SWT1: variants seen among roughly 807,000 people sequenced by gnomAD.
SWT1 encodes transcriptional protein SWT1.
Under a neutral mutation model 107.3 loss-of-function variants are expected in SWT1, and 33 were observed. That is an observed-to-expected ratio of 0.31 (90% CI 0.23 to 0.41). The LOEUF is 0.41. SWT1 is among the 10% of genes least tolerant of loss of function. The pLI is 1.00. For missense variants in SWT1, 898 were observed against 1,028.9 expected, an observed-to-expected ratio of 0.87 and a Z score of 1.74; for synonymous variants, 345 against 348.3, an observed-to-expected ratio of 0.99 and a Z score of 0.11.
At chr1:185,194,337 A>G (rs1368596846) in intron 10 of SWT1, among the ~76,000 whole-genome samples, 1 of 151,946 alleles carries the variant, frequency 6.6e-6, no homozygotes, top group South Asian at 2.1e-4. Context: ...GTTTTGTTCC[A>G]TCTGTGCTTT....
chr1:185,286,970 T>G (rs1664984200), intron 18 of SWT1, among the ~76,000 whole-genome samples: 1 of 152,226 alleles, frequency 6.6e-6, no homozygotes, highest in South Asian at 2.1e-4. Context: ...TATACTGCTT[T>G]TATATTTGTA....
At chr1:185,227,507 C>G in intron 15 of SWT1, 1 of 545,758 alleles carries the variant, frequency 1.8e-6, no homozygotes, top group Non-Finnish European at 3.4e-6. Context: ...CGAGCAGAAG[C>G]AGTCTGACAA....
intron 15 of SWT1, among the ~76,000 whole-genome samples, chr1:185,230,672 C>T (rs1313085631): frequency 6.6e-6 from 1 of 151,988 alleles, no homozygotes; most frequent in Non-Finnish European, 1.5e-5. Context: ...TAAATTTTCT[C>T]TACTTTTATT....
rs776053017 is a variant in SWT1 at position 185,174,396 on chromosome 1, CAGA to C, written c.252_254del (p.Arg86del). Reference sequence around the variant, plus strand: ...GATTGAGTGTAGAAATTGACACTCTCAGAAGGAGACCAAAAATCGGTTCTTCAT... The same window carrying C: ...GATTGAGTGTAGAAATTGACACTCTCAGGAGACCAAAAATCGGTTCTTCAT... On this transcript the variant is annotated inframe_deletion, in exon 5 of 19. Transcript: ENST00000367500. The C allele has an allele frequency of 2.3e-5, 36 of 1,574,994 alleles. No individual in the cohort carries two copies. The African/African-American group carries it at 4.4e-4, about 19-fold the overall frequency.
chr1:185,182,151 T>C (rs776747706), intron 7 of SWT1, 94 bp downstream of exon 7: 125 of 1,280,264 alleles, frequency 9.8e-5, no homozygotes, highest in Non-Finnish European at 1.3e-4. Context: ...ATGAAAAATG[T>C]TAAAATGTGC....
At chr1:185,231,338 C>T (rs1660492904) in intron 15 of SWT1, among the ~76,000 whole-genome samples, 2 of 152,172 alleles carry the variant, frequency 1.3e-5, no homozygotes, top group African/African-American at 4.8e-5. Context: ...AATATTCACA[C>T]AACTTTCATA....
intron 5 of SWT1, among the ~76,000 whole-genome samples, chr1:185,176,286 C>CAAA (rs71101962): frequency 8.5e-5 from 4 of 47,258 alleles, no homozygotes; most frequent in Non-Finnish European, 1.4e-4. Context: ...ACCTTGTCTC[C>CAAA]AAAAAAAAAA....
In SWT1 at chr1:185,222,153, T is replaced by C. The variant is rs898371474; in HGVS notation, c.2309+117T>C. 4 of 597,490 alleles carry C rather than the reference T, an allele frequency of 6.7e-6. No homozygotes were observed. In the Admixed American group the frequency reaches 1.1e-4, roughly 16 times the overall value. 37.0% of individuals were successfully genotyped at this position (597,490 alleles called of 1,614,324 possible). ...GACGTTTCAATAGATATATGTGATA[T>C]ATAATCAAATCAGGCTAGTGAGCCT... On this transcript the variant is annotated intron_variant, in intron 15 of 18. Coordinates refer to ENST00000367500, the MANE Select transcript of SWT1 (RefSeq NM_017673.7).
At chr1:185,177,625 C>T (rs182974363) in intron 5 of SWT1, among the ~76,000 whole-genome samples, 1 of 152,132 alleles carries the variant, frequency 6.6e-6, no homozygotes, top group Admixed American at 6.5e-5. Context: ...ATGTTTTACC[C>T]ACTAATTCCT....
intron 5 of SWT1, among the ~76,000 whole-genome samples, chr1:185,175,997 A>G (rs1308155843): frequency 6.6e-6 from 1 of 152,194 alleles, no homozygotes; most frequent in Non-Finnish European, 1.5e-5. Flanking sequence ...TTAGAAAGGT[A>G]TACTGGAGGG....
chr1:185,200,595 G>A (rs149835238), intron 10 of SWT1, among the ~76,000 whole-genome samples: 1,752 of 152,312 alleles, frequency 0.012, 24 homozygotes, highest in African/African-American at 0.04. Flanking sequence ...GAACAGCAAA[G>A]ATTGCTGCCT....
At chr1:185,177,163 T>G in intron 5 of SWT1, 1 of 483,176 alleles carries the variant, frequency 2.1e-6, no homozygotes. Context: ...TTCACTGCTT[T>G]CTTAAAGGAA....
rs759642597 is a variant in SWT1, at chr1:185,271,399, A to T, written c.2508+10A>T. 5.9e-5 allele frequency: 75 copies of T among 1,274,764 alleles called. No individual in the cohort carries two copies. The highest frequency in any genetic ancestry group is 5.6e-4 in the Middle Eastern group (3 of 5,372). The allele number at this position is 1,274,764 out of a possible 1,614,324, so 79.0% of individuals were successfully genotyped here. On this transcript the variant is annotated intron_variant, in intron 17 of 18. Transcript: ENST00000367500. Reference sequence around the variant, plus strand: ...CCTAATCAAGTATGAGGTATGGGAAATATTTTAAAATATTTATCACATTTC... The same window carrying T: ...CCTAATCAAGTATGAGGTATGGGAATTATTTTAAAATATTTATCACATTTC...
intron 14 of SWT1, among the ~76,000 whole-genome samples, chr1:185,216,961 AAAAAG>A (rs1451726566): frequency 2.2e-4 from 33 of 151,594 alleles, no homozygotes; most frequent in Non-Finnish European, 2.9e-4. Flanking sequence ...CAAAAAAAAA[AAAAAG>A]AAAAGAAAAG....
chr1:185,164,542 T>A (rs771867248), intron 2 of SWT1, among the ~76,000 whole-genome samples: 14 of 152,174 alleles, frequency 9.2e-5, no homozygotes, highest in Non-Finnish European at 1.9e-4. Flanking sequence ...CTCAACTAGG[T>A]TTTTTGTATA....
intron 9 of SWT1, among the ~76,000 whole-genome samples, chr1:185,185,332 G>T (rs1036772423): frequency 6.6e-6 from 1 of 152,056 alleles, no homozygotes; most frequent in African/African-American, 2.4e-5. Context: ...TGTCAGAATC[G>T]GTAATAATGA....
At chr1:185,206,186 T>G (rs1658320860) in intron 12 of SWT1, among the ~76,000 whole-genome samples, 1 of 152,184 alleles carries the variant, frequency 6.6e-6, no homozygotes, top group Non-Finnish European at 1.5e-5. Flanking sequence ...CTCGAACTCC[T>G]GACCTTGTGA....
intron 7 of SWT1, among the ~76,000 whole-genome samples, chr1:185,183,208 TA>T (rs1656172310): frequency 6.6e-6 from 1 of 152,202 alleles, no homozygotes; most frequent in African/African-American, 2.4e-5. Flanking sequence ...TTTTCCTATG[TA>T]TTATCTGATC....
intron 6 of SWT1, 57 bp from the exon 7 acceptor site, chr1:185,181,889 C>G: frequency 1.3e-6 from 2 of 1,593,102 alleles, no homozygotes; most frequent in South Asian, 2.2e-5. Context: ...TTGCTTTCCT[C>G]TCTTGTCAGT....
Sources: allele counts gnomAD v4.1 joint callset (sites outside exome capture counted in the v4.1 genomes callset), GRCh38; gene constraint gnomAD v4.1.1; transcripts MANE v1.5; gene names NCBI Gene and HGNC (gene_info 2026-07-23, HGNC 2026-07-21).